Variants in KLF13 observed in about 807,000 individuals in gnomAD.
The protein encoded by KLF13 is Krueppel-like factor 13.
A neutral mutation model predicts 16.7 loss-of-function variants in KLF13; 8 were observed. The observed-to-expected ratio is 0.48, with a 90% confidence interval of 0.28 to 0.87. KLF13 has a LOEUF of 0.87. KLF13 is among the 40% of genes least tolerant of loss of function. The probability of loss-of-function intolerance (pLI) is 0.10; values close to 1 mark genes in which losing one functional copy is unlikely to be tolerated. For synonymous variants in KLF13, 245 were observed against 208.4 expected (o/e 1.18, Z -1.51); for missense variants, 447 against 452.2 (o/e 0.99, Z 0.10).
At chr15:31,418,669 A>AT (rs1300319643) in intron 1 of KLF13, among the ~76,000 whole-genome samples, 1 of 147,420 alleles carries the variant, frequency 6.8e-6, no homozygotes, top group Non-Finnish European at 1.5e-5. Context: ...CACAGTAGAA[A>AT]TAGTACTAAA....
intron 1 of KLF13, among the ~76,000 whole-genome samples, chr15:31,348,739 G>T (rs1051057115): frequency 6.6e-6 from 1 of 152,228 alleles, no homozygotes; most frequent in Non-Finnish European, 1.5e-5. Flanking sequence ...TGGAGGCTCA[G>T]TGTGCTGCTG....
intron 1 of KLF13, among the ~76,000 whole-genome samples, chr15:31,357,072 A>C (rs1333942055): frequency 1.3e-5 from 2 of 151,986 alleles, no homozygotes; most frequent in Non-Finnish European, 2.9e-5. Flanking sequence ...TTTTCTGTGA[A>C]ATTCTCTCAG....
rs2038733761 is a variant in KLF13 at position 31,327,462 on chromosome 15, A to C, written c.250A>C (p.Arg84=). ...GCCGGCGCCCGCCCCGGCGGAGCGC[A>C]GGGAGGGCGCCGCGGCCCGGAAGGC... ...QAPAPAPAER[R]EGAAARKART... is the part of the protein sequence containing the mutation. The change falls in exon 1 of 2, where the codon AGG becomes CGG. Residue 84 remains arginine (R), a synonymous_variant. Transcript: ENST00000307145. 14 of 1,089,262 alleles carry C rather than the reference A, an allele frequency of 1.3e-5. No individual in the cohort carries two copies. Among genetic ancestry groups the C allele is most frequent in the African/African-American group, 1.7e-5 (1 of 57,824 alleles). 67.5% of individuals were successfully genotyped at this position (1,089,262 alleles called of 1,614,324 possible). A position where few individuals can be genotyped will look rare whatever the true frequency, so the allele number is the denominator to read the frequency against.
downstream of KLF13, among the ~76,000 whole-genome samples, chr15:31,379,766 A>C (rs987403031): frequency 1.3e-5 from 2 of 152,198 alleles, no homozygotes; most frequent in African/African-American, 4.8e-5. Flanking sequence ...TGCTGAGCAG[A>C]GATGACAGTG....
intron 1 of KLF13, among the ~76,000 whole-genome samples, chr15:31,352,389 A>G (rs528327542): frequency 1.3e-5 from 2 of 152,264 alleles, no homozygotes; most frequent in Non-Finnish European, 2.9e-5. Flanking sequence ...CAGAATGCAC[A>G]GACCTGACCG....
intron 1 of KLF13, among the ~76,000 whole-genome samples, chr15:31,367,796 C>G (rs1442285831): frequency 5.9e-5 from 9 of 152,218 alleles, no homozygotes. Context: ...TCGTGCGCAG[C>G]CCCATGGGAT....
At chr15:31,417,425 G>T (rs1346665192) in intron 1 of KLF13, among the ~76,000 whole-genome samples, 1 of 151,926 alleles carries the variant, frequency 6.6e-6, no homozygotes, top group African/African-American at 2.4e-5. Flanking sequence ...AACCCGGGAG[G>T]CAGAGGTTGC....
chr15:31,331,705 G>C (rs1296393701), intron 1 of KLF13, among the ~76,000 whole-genome samples: 1 of 152,198 alleles, frequency 6.6e-6, no homozygotes, highest in Non-Finnish European at 1.5e-5. Context: ...CAGGCTGCCA[G>C]TGGCCCTAGT....
rs772171653 is a variant in KLF13 at position 31,423,155 on chromosome 15, GTA to G, written n.118-12207_118-12206del. 6.4e-4 allele frequency among the ~76,000 whole-genome samples: 70 copies of G among 110,084 alleles called. 1 individual carries two copies. The highest frequency in any genetic ancestry group is 1.5e-3 in the Admixed American group (18 of 11,830). 72.2% of individuals were successfully genotyped at this position (110,084 alleles called of 152,430 possible). A position where few individuals can be genotyped will look rare whatever the true frequency, so the allele number is the denominator to read the frequency against. On this transcript the variant is annotated intron_variant and non_coding_transcript_variant, in intron 1 of 1. Transcript: ENST00000558225. ...TACGTATACGTATACGTATATATAC[GTA>G]TATATATGTATATATATACATATAT... is the stretch of plus-strand genomic sequence containing the variant.
At position 31,423,101 on chromosome 15, in the gene KLF13, G is replaced by GTATATATACATATA. The variant is rs1188647731; in HGVS notation, n.118-12265_118-12264insTATACATATATATA. 8.8e-4 allele frequency among the ~76,000 whole-genome samples: 68 copies of GTATATATACATATA among 77,114 alleles called. 17 individuals carry two copies. The highest frequency in any genetic ancestry group is 1.4e-3 in the Non-Finnish European group (50 of 35,066). The allele number at this position is 77,114 out of a possible 152,430, so 50.6% of individuals were successfully genotyped here. A position where few individuals can be genotyped will look rare whatever the true frequency, so the allele number is the denominator to read the frequency against. On this transcript the variant is annotated intron_variant and non_coding_transcript_variant, in intron 1 of 1. Transcript: ENST00000558225. ...ATTACATATATATACGTATATATAC[G>GTATATATACATATA]TATACGTATACGTATATATACGTAT...
chr15:31,327,858 C>G (rs1305125379), intron 1 of KLF13, 69 bp downstream of exon 1: 130 of 1,258,744 alleles, frequency 1.0e-4, no homozygotes, highest in African/African-American at 1.6e-4. Context: ...ACCACGCCCC[C>G]GGAGTCCCCG....
intron 1 of KLF13, among the ~76,000 whole-genome samples, chr15:31,329,722 T>G (rs1275237468): frequency 6.6e-6 from 1 of 152,218 alleles, no homozygotes; most frequent in South Asian, 2.1e-4. Flanking sequence ...GACCAACCCT[T>G]TGAGTGTCTG....
At position 31,428,534 on chromosome 15, in the gene KLF13, C is replaced by T. The variant is rs532670619; in HGVS notation, n.118-6836C>T. Among the ~76,000 whole-genome samples, 18 of 152,132 alleles carry T rather than the reference C, an allele frequency of 1.2e-4. No individual in the cohort carries two copies. In the South Asian group the frequency reaches 2.9e-3, roughly 25 times the overall value. ...AGAAATGCCAAGGACCGGCCGCGGG[C>T]GGTGGCTCACGCCTGTCATCCCAGC... is the stretch of plus-strand genomic sequence containing the variant. On this transcript the variant is annotated intron_variant and non_coding_transcript_variant, in intron 1 of 1. Transcript: ENST00000558225.
intron 1 of KLF13, among the ~76,000 whole-genome samples, chr15:31,335,143 C>T (rs896715185): frequency 2.0e-5 from 3 of 151,886 alleles, no homozygotes; most frequent in Non-Finnish European, 4.4e-5. Context: ...AGCATCCACA[C>T]CTGGAACATA....
chr15:31,432,803 G>C (rs966096683), intron 1 of KLF13, among the ~76,000 whole-genome samples: 1 of 152,008 alleles, frequency 6.6e-6, no homozygotes, highest in African/African-American at 2.4e-5. Context: ...CTGGATGCTG[G>C]ATATTTTTGT....
chr15:31,378,641 C>T (rs1055013725), downstream of KLF13, among the ~76,000 whole-genome samples: 1 of 152,178 alleles, frequency 6.6e-6, no homozygotes. Context: ...ACATCTCAGC[C>T]TCACCCAGGG....
chr15:31,362,988 A>G (rs1450758290), intron 1 of KLF13, among the ~76,000 whole-genome samples: 1 of 152,240 alleles, frequency 6.6e-6, no homozygotes, highest in Admixed American at 6.5e-5. Flanking sequence ...TGCATTGACT[A>G]ATCAGGAGCA....
chr15:31,429,393 A>T (rs2040441340), intron 1 of KLF13, among the ~76,000 whole-genome samples: 4 of 152,200 alleles, frequency 2.6e-5, no homozygotes, highest in Admixed American at 2.6e-4. Context: ...TGAGATTCAT[A>T]GAGATGGAAA....
intron 1 of KLF13, among the ~76,000 whole-genome samples, chr15:31,354,802 A>C (rs1015584653): frequency 6.6e-6 from 1 of 151,612 alleles, no homozygotes; most frequent in Admixed American, 6.6e-5. Context: ...CCCCTCCCCC[A>C]CCACCGTCCT....
Sources: allele counts gnomAD v4.1 joint callset (sites outside exome capture counted in the v4.1 genomes callset), GRCh38; gene constraint gnomAD v4.1.1; transcripts MANE v1.5; gene names NCBI Gene and HGNC (gene_info 2026-07-23, HGNC 2026-07-21).